Variants in MCC observed in about 807,000 individuals in gnomAD.
MCC encodes the protein MCC regulator of Wnt signaling pathway.
In MCC, 90 loss-of-function variants were observed where a neutral mutation model predicts 116.2. That is an observed-to-expected ratio of 0.77 (90% CI 0.65 to 0.92). The LOEUF (loss-of-function observed/expected upper bound fraction) is 0.92, where lower values mean the gene tolerates loss of function less well. MCC is among the 40% of genes least tolerant of loss of function. The pLI is 0.00. For missense variants in MCC, 1,516 were observed against 1,312.2 expected (o/e 1.16, Z -2.40); for synonymous variants, 578 against 510.5 (o/e 1.13, Z -1.78).
At chr5:113,102,054 A>T in intron 7 of MCC, 109 bp from the exon 8 acceptor site, 5 of 1,040,672 alleles carry the variant, frequency 4.8e-6, no homozygotes, top group Non-Finnish European at 5.7e-6. Context: ...TGTGTTCTAG[A>T]ACCACTTTGT....
intron 3 of MCC, among the ~76,000 whole-genome samples, chr5:113,160,991 T>C (rs1208281933): frequency 3.3e-5 from 5 of 152,156 alleles, no homozygotes; most frequent in East Asian, 1.9e-4. Flanking sequence ...AAATTAAAAA[T>C]CTAAACAGAA....
intron 3 of MCC, among the ~76,000 whole-genome samples, chr5:113,152,719 G>A (rs1759953618): frequency 6.6e-6 from 1 of 152,198 alleles, no homozygotes; most frequent in South Asian, 2.1e-4. Flanking sequence ...ATAAGGCAGA[G>A]TGTGGGGTTT....
At chr5:113,386,044 G>A (rs902583464) in intron 1 of MCC, among the ~76,000 whole-genome samples, 3 of 152,080 alleles carry the variant, frequency 2.0e-5, no homozygotes, top group East Asian at 3.8e-4. Context: ...GGAGGACATC[G>A]GTTTGATCCC....
intron 3 of MCC, among the ~76,000 whole-genome samples, chr5:113,205,861 A>G (rs1167777468): frequency 6.6e-6 from 1 of 152,238 alleles, no homozygotes; most frequent in African/African-American, 2.4e-5. Flanking sequence ...AATGACGTTC[A>G]GTCAACGCAG....
chr5:113,355,757 C>G (rs568344163), intron 2 of MCC, among the ~76,000 whole-genome samples: 1 of 152,194 alleles, frequency 6.6e-6, no homozygotes, highest in African/African-American at 2.4e-5. Context: ...TAAGGCTCCA[C>G]CCCACGATCT....
In MCC at chr5:113,101,860, G is replaced by T; in HGVS notation, c.1277C>A (p.Ala426Asp). Residue 426 changes from alanine to aspartate, a missense_variant, in exon 8 of 19, where the codon GCT becomes GAT. Ala to Asp is a moderately radical substitution (Grantham distance 126). Transcript: ENST00000408903. The stretch of plus-strand genomic sequence containing the variant: ...GCTCTCATTCTCTTCCCTCAGCCCA[G>T]CCAGCTCCTTCTCCCACCGAGACCT... ...EERSRWEKEL[A>D]GLREENESLT... 6.2e-7 allele frequency: 1 copy of T among 1,603,762 alleles called. No individual in the cohort carries two copies. Among genetic ancestry groups the T allele is most frequent in the Non-Finnish European group, 8.5e-7 (1 of 1,175,998 alleles).
intron 1 of MCC, among the ~76,000 whole-genome samples, chr5:113,441,293 C>T (rs1448636468): frequency 6.6e-6 from 1 of 152,088 alleles, no homozygotes; most frequent in African/African-American, 2.4e-5. Flanking sequence ...CCAGATGGTG[C>T]CACTGCACCA....
At chr5:113,248,587 G>A (rs182662544) in intron 3 of MCC, among the ~76,000 whole-genome samples, 150 of 152,264 alleles carry the variant, frequency 9.9e-4, no homozygotes, top group Admixed American at 2.4e-3. Flanking sequence ...GAAATTGGCT[G>A]CTTCCCAAAT....
chr5:113,401,518 G>T (rs1769686215), intron 1 of MCC, among the ~76,000 whole-genome samples: 1 of 152,060 alleles, frequency 6.6e-6, no homozygotes, highest in East Asian at 1.9e-4. Flanking sequence ...TCTGTCCCTT[G>T]GTCCCATTGT....
chr5:113,104,102 G>A, intron 7 of MCC, 90 bp downstream of exon 7: 1 of 1,267,118 alleles, frequency 7.9e-7, no homozygotes, highest in Non-Finnish European at 1.1e-6. Flanking sequence ...TCCCTAGTAA[G>A]TATTTAAGAA....
At chr5:113,188,239 C>A (rs1308648217) in intron 3 of MCC, among the ~76,000 whole-genome samples, 1 of 152,186 alleles carries the variant, frequency 6.6e-6, no homozygotes, top group African/African-American at 2.4e-5. Flanking sequence ...AAATTCATCA[C>A]AACCATGATT....
At chr5:113,448,214 AC>A (rs1404888830) in intron 1 of MCC, 2 of 152,248 alleles carry the variant, frequency 1.3e-5, no homozygotes, top group Non-Finnish European at 2.9e-5. Flanking sequence ...TGGAGGATCC[AC>A]AGGATGGGCA....
At chr5:113,187,062 T>G (rs758360342) in intron 3 of MCC, among the ~76,000 whole-genome samples, 13 of 152,228 alleles carry the variant, frequency 8.5e-5, no homozygotes, top group Non-Finnish European at 1.8e-4. Flanking sequence ...TACAGGATAC[T>G]TTGAGGCTCC....
At chr5:113,179,260 T>C (rs1761491416) in intron 3 of MCC, among the ~76,000 whole-genome samples, 1 of 152,214 alleles carries the variant, frequency 6.6e-6, no homozygotes, top group Admixed American at 6.5e-5. Context: ...CCCCTCCATC[T>C]GCTTTAAGTA....
intron 1 of MCC, among the ~76,000 whole-genome samples, chr5:113,398,622 A>T (rs1330104998): frequency 6.6e-6 from 1 of 152,206 alleles, no homozygotes; most frequent in Admixed American, 6.5e-5. Flanking sequence ...AGTAGGAGCT[A>T]AACAATGGGT....
intron 1 of MCC, among the ~76,000 whole-genome samples, chr5:113,418,085 CA>C (rs2067340): frequency 0.45 from 68,987 of 151,740 alleles, 17,576 homozygotes; most frequent in African/African-American, 0.69. Flanking sequence ...TTTGGAGATA[CA>C]GCATCTAAAG....
At position 113,087,799 on chromosome 5, in the gene MCC, A is replaced by C. The variant is rs540578920; in HGVS notation, c.1399-2489T>G. Among the ~76,000 whole-genome samples, 52 of 151,378 alleles carry C rather than the reference A, an allele frequency of 3.4e-4. 1 individual carries two copies. The South Asian group carries it at 3.8e-3, about 11-fold the overall frequency. On this transcript the variant is annotated intron_variant, in intron 8 of 18. Coordinates refer to ENST00000408903, the MANE Select transcript of MCC (RefSeq NM_001085377.2). Reference sequence around the variant, plus strand: ...TTTTTTTTTTTTATATCTCTATTTAAAAAAAAATACAGATAAAAAAAATCC... The same window carrying C: ...TTTTTTTTTTTTATATCTCTATTTACAAAAAAATACAGATAAAAAAAATCC...
chr5:113,102,857 C>G (rs190897679), intron 7 of MCC, among the ~76,000 whole-genome samples: 306 of 151,974 alleles, frequency 2.0e-3, no homozygotes, highest in Non-Finnish European at 3.0e-3. Context: ...TGGCTCACGC[C>G]TGTAATCCCA....
intron 1 of MCC, among the ~76,000 whole-genome samples, chr5:113,426,831 A>G (rs1033557416): frequency 6.6e-6 from 1 of 152,284 alleles, no homozygotes; most frequent in Middle Eastern, 3.4e-3. Flanking sequence ...AGTCTTTCTA[A>G]TATTTCAGAA....
Sources: gnomAD v4.1 joint callset for allele counts (sites outside exome capture counted in the v4.1 genomes callset) on GRCh38, gnomAD v4.1.1 for gene constraint, MANE v1.5 for transcripts, NCBI Gene and HGNC (gene_info 2026-07-23, HGNC 2026-07-21) for gene names.